TWSG1: variants seen among roughly 807,000 people sequenced by gnomAD.
TWSG1 encodes twisted gastrulation protein homolog 1.
Under a neutral mutation model 23.0 loss-of-function variants are expected in TWSG1, and 15 were observed. The ratio of observed to expected loss-of-function variants is 0.65; its 90% CI spans 0.44 to 1.00. TWSG1 has a LOEUF of 1.00. TWSG1 is among the 50% of genes least tolerant of loss of function. The probability of loss-of-function intolerance (pLI) is 0.00; values close to 1 mark genes in which losing one functional copy is unlikely to be tolerated. For synonymous variants in TWSG1, 86 were observed against 92.8 expected (o/e 0.93, Z 0.42); for missense variants, 242 against 278.7 (o/e 0.87, Z 0.94).
Position 9,360,577 on chromosome 18 carries a change from C to G in TWSG1, c.223+506C>G, listed in dbSNP as rs141730817. Among the ~76,000 whole-genome samples the G allele has an allele frequency of 5.3e-3, 806 of 152,250 alleles. 8 individuals carry two copies. Among genetic ancestry groups the G allele is most frequent in the African/African-American group, 0.018 (767 of 41,562 alleles). ...TTTTAAAACCCCAGTTCAAGTATCC[C>G]CTTTCCTTGGAAACCTTCCTTATTT... is the stretch of plus-strand genomic sequence containing the variant. On this transcript the variant is annotated intron_variant, in intron 3 of 4. Transcript: ENST00000262120.
In TWSG1 at chr18:9,402,362, G is replaced by T. The variant is rs549692456; in HGVS notation, c.*2835G>T. 6.6e-6 allele frequency: 1 copy of T among 152,220 alleles called. No individual in the cohort carries two copies. Among genetic ancestry groups the T allele is most frequent in the East Asian group, 1.9e-4 (1 of 5,186 alleles). The allele number at this position is 152,220 out of a possible 1,614,324, so 9.4% of individuals were successfully genotyped here. A position where few individuals can be genotyped will look rare whatever the true frequency, so the allele number is the denominator to read the frequency against. On this transcript the variant is annotated 3_prime_UTR_variant, in exon 5 of 5. Transcript: ENST00000262120. The stretch of plus-strand genomic sequence containing the variant: ...TATGATCTACAACATATAAAATTGT[G>T]TATTTTTCTTTGGTTGTCCCTATTA...
At chr18:9,351,011 A>T (rs1168388482) in intron 2 of TWSG1, among the ~76,000 whole-genome samples, 1 of 152,086 alleles carries the variant, frequency 6.6e-6, no homozygotes. Flanking sequence ...TGCTTCATTG[A>T]TTACTTATGC....
intron 2 of TWSG1, among the ~76,000 whole-genome samples, chr18:9,348,934 T>C (rs1266169624): frequency 1.3e-5 from 2 of 152,186 alleles, no homozygotes; most frequent in Non-Finnish European, 1.5e-5. Context: ...GAAGCTCTTA[T>C]GTAAATATTT....
At chr18:9,351,410 T>C (rs1429119055) in intron 2 of TWSG1, among the ~76,000 whole-genome samples, 1 of 152,170 alleles carries the variant, frequency 6.6e-6, no homozygotes, top group Non-Finnish European at 1.5e-5. Context: ...TTTTGTGTTT[T>C]ACATTTTCAC....
chr18:9,368,676 G>A (rs1034746130), intron 3 of TWSG1, among the ~76,000 whole-genome samples: 7 of 152,062 alleles, frequency 4.6e-5, no homozygotes, highest in Non-Finnish European at 7.4e-5. Flanking sequence ...GGCTGGGCAC[G>A]GCGGCTCATG....
chr18:9,364,664 G>T (rs922324916), intron 3 of TWSG1, among the ~76,000 whole-genome samples: 3 of 152,096 alleles, frequency 2.0e-5, no homozygotes, highest in South Asian at 2.1e-4. Flanking sequence ...TGTGGTGGTA[G>T]GCACCTGTAA....
At chr18:9,396,817 T>A (rs1296222334) in intron 4 of TWSG1, 4 of 515,430 alleles carry the variant, frequency 7.8e-6, no homozygotes, top group Non-Finnish European at 1.3e-5. Context: ...TCCCAGCACT[T>A]TGGGAGGCCG....
At chr18:9,344,296 C>T (rs989059744) in intron 2 of TWSG1, among the ~76,000 whole-genome samples, 8 of 152,122 alleles carry the variant, frequency 5.3e-5, no homozygotes, top group African/African-American at 1.9e-4. Context: ...TTTTGAGGAA[C>T]TGCTGAAGTG....
intron 3 of TWSG1, among the ~76,000 whole-genome samples, chr18:9,385,040 G>A (rs1167845128): frequency 2.6e-5 from 4 of 152,114 alleles, no homozygotes; most frequent in Admixed American, 6.6e-5. Context: ...TGACCTTTCC[G>A]GCTAAACCCC....
intron 2 of TWSG1, among the ~76,000 whole-genome samples, chr18:9,337,970 A>G (rs1400488048): frequency 6.6e-6 from 1 of 152,208 alleles, no homozygotes; most frequent in Non-Finnish European, 1.5e-5. Flanking sequence ...AGGCCTCTTA[A>G]TGTAGCCACC....
chr18:9,357,454 C>A (rs1457470385), intron 2 of TWSG1, among the ~76,000 whole-genome samples: 2 of 151,954 alleles, frequency 1.3e-5, no homozygotes, highest in Non-Finnish European at 2.9e-5. Context: ...CAAAAAATGT[C>A]GTATTAGAAT....
chr18:9,360,289 G>A (rs1360832483), intron 3 of TWSG1, among the ~76,000 whole-genome samples: 1 of 152,138 alleles, frequency 6.6e-6, no homozygotes, highest in Non-Finnish European at 1.5e-5. Flanking sequence ...AGTAGGAGTG[G>A]GGGGCCAAGG....
chr18:9,354,111 T>C (rs147993014), intron 2 of TWSG1, among the ~76,000 whole-genome samples: 3 of 152,354 alleles, frequency 2.0e-5, no homozygotes, highest in African/African-American at 7.2e-5. Context: ...AAAATAACTT[T>C]TATATTTCTC....
At chr18:9,338,605 A>T (rs1210107438) in intron 2 of TWSG1, among the ~76,000 whole-genome samples, 1 of 152,216 alleles carries the variant, frequency 6.6e-6, no homozygotes, top group African/African-American at 2.4e-5. Flanking sequence ...ACAGTTTAAA[A>T]ATTAACACTA....
At chr18:9,395,251 T>C (rs1031644408) in intron 3 of TWSG1, among the ~76,000 whole-genome samples, 7 of 152,230 alleles carry the variant, frequency 4.6e-5, no homozygotes, top group African/African-American at 1.7e-4. Flanking sequence ...GATGTTAACT[T>C]TGATCTTCTG....
rs1214170785 is a variant in TWSG1, at chr18:9,399,380, C to T, written c.525C>T (p.Cys175=). 6.2e-7 allele frequency: 1 copy of T among 1,612,266 alleles called. No individual in the cohort carries two copies. The highest frequency in any genetic ancestry group is 8.5e-7 in the Non-Finnish European group (1 of 1,179,542). Residue 175 remains cysteine, a synonymous_variant, in exon 5 of 5, where the codon TGC becomes TGT. Coordinates refer to ENST00000262120, the MANE Select transcript of TWSG1 (RefSeq NM_020648.6). ...HMCTVVYFDD[C]MSIHQCKISC... is the part of the protein sequence containing the mutation. Reference sequence around the variant, plus strand: ...GTACTGTGGTTTATTTTGATGACTGCATGTCCATACATCAGTGTAAAATAT... The same window carrying T: ...GTACTGTGGTTTATTTTGATGACTGTATGTCCATACATCAGTGTAAAATAT...
At chr18:9,386,508 G>A (rs2040685628) in intron 3 of TWSG1, among the ~76,000 whole-genome samples, 1 of 150,652 alleles carries the variant, frequency 6.6e-6, no homozygotes, top group Admixed American at 6.6e-5. Context: ...AAATATTATT[G>A]GAGTGTCATA....
chr18:9,366,605 C>T (rs73399972), intron 3 of TWSG1, among the ~76,000 whole-genome samples: 1,872 of 152,286 alleles, frequency 0.012, 56 homozygotes, highest in African/African-American at 0.043. Flanking sequence ...ATGACTCTCT[C>T]TTGTATCTCA....
At chr18:9,354,696 C>A (rs1481666887) in intron 2 of TWSG1, among the ~76,000 whole-genome samples, 1 of 152,072 alleles carries the variant, frequency 6.6e-6, no homozygotes, top group East Asian at 1.9e-4. Flanking sequence ...ATTATGTTGA[C>A]AGATTTTTTA....
Sources: allele counts gnomAD v4.1 joint callset (sites outside exome capture counted in the v4.1 genomes callset), GRCh38; gene constraint gnomAD v4.1.1; transcripts MANE v1.5; gene names NCBI Gene and HGNC (gene_info 2026-07-23, HGNC 2026-07-21).